Variants in TRAP1 observed in about 807,000 individuals in gnomAD.
TRAP1 encodes the protein TNF receptor associated protein 1.
In TRAP1, 102 loss-of-function variants were observed where a neutral mutation model predicts 89.1. That is an observed-to-expected ratio of 1.15 (90% CI 0.98 to 1.35). The LOEUF (loss-of-function observed/expected upper bound fraction) is 1.35. Ranked by LOEUF, TRAP1 falls within the 40% of genes most tolerant of loss-of-function variation. The probability of loss-of-function intolerance (pLI) is 0.00; values close to 1 mark genes in which losing one functional copy is unlikely to be tolerated. For missense variants in TRAP1, 1,256 were observed against 945.3 expected (o/e 1.33, Z -4.31); for synonymous variants, 508 against 388.0 (o/e 1.31, Z -3.64).
intron 11 of TRAP1, among the ~76,000 whole-genome samples, chr16:3,669,589 C>T (rs1567227691): frequency 6.6e-6 from 1 of 151,954 alleles, no homozygotes; most frequent in Non-Finnish European, 1.5e-5. Flanking sequence ...AATCCCAGAA[C>T]TTTGGGAGGC....
intron 1 of TRAP1, among the ~76,000 whole-genome samples, chr16:3,698,519 G>C (rs1487056727): frequency 2.0e-5 from 3 of 151,780 alleles, no homozygotes; most frequent in African/African-American, 7.3e-5. Context: ...AGCCAGGATG[G>C]TCTTGATCTC....
chr16:3,712,106 C>G (rs779242824), intron 1 of TRAP1, among the ~76,000 whole-genome samples: 43 of 151,942 alleles, frequency 2.8e-4, no homozygotes, highest in Admixed American at 4.6e-4. Flanking sequence ...TTGCCCAACA[C>G]GGTGAAACCT....
intron 1 of TRAP1, among the ~76,000 whole-genome samples, chr16:3,694,497 C>G (rs1272121024): frequency 6.6e-6 from 1 of 152,040 alleles, no homozygotes; most frequent in South Asian, 2.1e-4. Flanking sequence ...GCACGCACCA[C>G]CATGCCTGGC....
At chr16:3,658,763 C>T (rs767035294) in intron 17 of TRAP1, 30 bp downstream of exon 17, 3 of 1,605,434 alleles carry the variant, frequency 1.9e-6, no homozygotes, top group African/African-American at 1.3e-5. Context: ...AGCCTGGGTC[C>T]CTGCAGTCAT....
intron 12 of TRAP1, 72 bp downstream of exon 12, chr16:3,665,899 C>G: frequency 6.4e-7 from 1 of 1,555,694 alleles, no homozygotes; most frequent in African/African-American, 1.4e-5. Context: ...TCAGGGGACA[C>G]CTCCACCAGC....
At chr16:3,677,109 G>A (rs190446152) in intron 6 of TRAP1, among the ~76,000 whole-genome samples, 3 of 151,464 alleles carry the variant, frequency 2.0e-5, no homozygotes, top group Non-Finnish European at 4.4e-5. Flanking sequence ...TATAGAGGCA[G>A]AAGTGGGCTG....
chr16:3,701,323 C>G (rs1046617946), intron 1 of TRAP1, among the ~76,000 whole-genome samples: 2 of 152,022 alleles, frequency 1.3e-5, no homozygotes, highest in Admixed American at 6.6e-5. Context: ...GAATTAAAGA[C>G]AAAACAATTC....
intron 1 of TRAP1, among the ~76,000 whole-genome samples, chr16:3,697,041 G>T (rs1635404): frequency 0.78 from 118,069 of 152,116 alleles, 46,477 homozygotes; most frequent in East Asian, 1. Flanking sequence ...TTATGTATTT[G>T]AAGCAGTGGT....
intron 17 of TRAP1, 195 bp downstream of exon 17, chr16:3,658,598 G>T (rs535888326): frequency 8.4e-6 from 5 of 597,504 alleles, no homozygotes; most frequent in Non-Finnish European, 8.8e-6. Context: ...GCTTGAACCC[G>T]GGAGGCAGAG....
intron 6 of TRAP1, 21 bp downstream of exon 6, chr16:3,677,477 C>G: frequency 1.2e-6 from 2 of 1,614,164 alleles, no homozygotes; most frequent in Non-Finnish European, 1.7e-6. Context: ...AGCTGCCTGT[C>G]AGGCGACATT....
At chr16:3,683,116 C>G (rs1036752154) in intron 4 of TRAP1, among the ~76,000 whole-genome samples, 3 of 151,504 alleles carry the variant, frequency 2.0e-5, no homozygotes, top group African/African-American at 7.3e-5. Context: ...TTGCAGTGAG[C>G]TGAAATCACA....
intron 1 of TRAP1, among the ~76,000 whole-genome samples, chr16:3,697,859 G>A (rs894986330): frequency 1.3e-5 from 2 of 151,314 alleles, no homozygotes; most frequent in Non-Finnish European, 2.9e-5. Flanking sequence ...CGTGATCTCG[G>A]CTCACTGCAA....
rs180970496 is a variant in TRAP1 at position 3,691,903 on chromosome 16, G to A, written c.89-918C>T. Among the ~76,000 whole-genome samples the A allele has an allele frequency of 1.6e-4, 24 of 152,186 alleles. No homozygotes were observed. The South Asian group carries it at 2.5e-3, about 16-fold the overall frequency. On this transcript the variant is annotated intron_variant, in intron 1 of 17. Coordinates refer to ENST00000246957, the MANE Select transcript of TRAP1 (RefSeq NM_016292.3). ...AGTCCAGTGGGCTGAGAAAGTTGCCGGCAGAGCCCAGCGAGGGAGGAAAGC... is the reference window on the plus strand; with the variant it reads ...AGTCCAGTGGGCTGAGAAAGTTGCCAGCAGAGCCCAGCGAGGGAGGAAAGC...
intron 6 of TRAP1, chr16:3,676,832 G>C (rs1204754804): frequency 6.6e-6 from 1 of 152,434 alleles, no homozygotes; most frequent in African/African-American, 2.4e-5. Context: ...AAGACGGGCA[G>C]ATCACCTGAG....
intron 16 of TRAP1, chr16:3,660,623 T>G (rs1279613305): frequency 1.3e-5 from 2 of 152,250 alleles, no homozygotes; most frequent in African/African-American, 2.4e-5. Context: ...GGCGCTGCTG[T>G]GCACTGACAG....
At chr16:3,675,990 C>T in intron 7 of TRAP1, 46 bp downstream of exon 7, 1 of 1,541,722 alleles carries the variant, frequency 6.5e-7, no homozygotes, top group African/African-American at 1.4e-5. Flanking sequence ...GGCCTCCAGG[C>T]CACACATGGA....
chr16:3,683,182 C>T (rs1252773682), intron 4 of TRAP1, among the ~76,000 whole-genome samples: 2 of 151,252 alleles, frequency 1.3e-5, no homozygotes, highest in African/African-American at 2.4e-5. Context: ...AAAAAAAAAT[C>T]TTCCCGGTCA....
intron 1 of TRAP1, among the ~76,000 whole-genome samples, chr16:3,700,538 C>T (rs1260190577): frequency 6.6e-6 from 1 of 152,124 alleles, no homozygotes; most frequent in Non-Finnish European, 1.5e-5. Flanking sequence ...ACAATCTCGG[C>T]TCACTGCAAA....
chr16:3,670,608 G>A (rs2050900686), intron 11 of TRAP1, among the ~76,000 whole-genome samples: 1 of 152,104 alleles, frequency 6.6e-6, no homozygotes, highest in African/African-American at 2.4e-5. Context: ...GGAGGCTGAG[G>A]TGGAAGGATT....
Sources: gnomAD v4.1 joint callset for allele counts (sites outside exome capture counted in the v4.1 genomes callset) on GRCh38, gnomAD v4.1.1 for gene constraint, MANE v1.5 for transcripts, NCBI Gene and HGNC (gene_info 2026-07-23, HGNC 2026-07-21) for gene names.